Variants in PCSK6 observed in about 807,000 individuals in gnomAD.
The protein encoded by PCSK6 is proprotein convertase subtilisin/kexin type 6.
PCSK6 carries 85 observed loss-of-function variants against 123.3 expected under a neutral mutation model. The ratio of observed to expected loss-of-function variants is 0.69; its 90% CI spans 0.58 to 0.83. The LOEUF is 0.83. Among genes scored for constraint, PCSK6 ranks in the 40% least tolerant of loss-of-function variants. The pLI, the probability that PCSK6 is intolerant of heterozygous loss-of-function variation, is 0.00. For missense variants in PCSK6, 1,191 were observed against 1,282.3 expected (o/e 0.93, Z 1.09); for synonymous variants, 508 against 516.0 (o/e 0.98, Z 0.21).
intron 13 of PCSK6, among the ~76,000 whole-genome samples, chr15:101,365,394 A>G (rs575522957): frequency 4.6e-5 from 7 of 152,360 alleles, no homozygotes; most frequent in African/African-American, 1.2e-4. Context: ...ATTTTTTAAA[A>G]AGCAGAGAAT....
intron 13 of PCSK6, among the ~76,000 whole-genome samples, chr15:101,353,176 G>A (rs907143196): frequency 2.6e-5 from 4 of 152,122 alleles, no homozygotes; most frequent in Admixed American, 6.5e-5. Context: ...CTTTCCCTGC[G>A]ACTAGACGGT....
chr15:101,339,091 G>A (rs190143609), intron 13 of PCSK6, among the ~76,000 whole-genome samples: 1 of 152,326 alleles, frequency 6.6e-6, no homozygotes, highest in East Asian at 1.9e-4. Flanking sequence ...CCTATGCCTG[G>A]CATTTTGAGT....
chr15:101,406,747 C>T (rs760522727), intron 6 of PCSK6, among the ~76,000 whole-genome samples: 13 of 152,124 alleles, frequency 8.5e-5, no homozygotes, highest in South Asian at 2.1e-4. Context: ...GACCTACGTT[C>T]GCCATCGTGA....
intron 13 of PCSK6, among the ~76,000 whole-genome samples, chr15:101,363,058 T>G (rs117453273): frequency 2.0e-5 from 3 of 152,284 alleles, no homozygotes; most frequent in Non-Finnish European, 2.9e-5. Context: ...TCTGCCGGCT[T>G]TGCCATAAAG....
intron 13 of PCSK6, among the ~76,000 whole-genome samples, chr15:101,357,464 A>G (rs1342751123): frequency 6.6e-6 from 1 of 152,242 alleles, no homozygotes. Context: ...GCTAGAGGGC[A>G]ACCTAGGTCT....
Position 101,384,523 on chromosome 15 carries a change from A to C in PCSK6, c.1311-98T>G, listed in dbSNP as rs371367386. ...GGGGTCGGCAGCCAACCCACGTCTG[A>C]ACTTCAGCAAGCCCCTCAGGCTAAG... On this transcript the variant is annotated intron_variant, in intron 9 of 21. Transcript: ENST00000611716. 10 of 872,286 alleles carry C rather than the reference A, an allele frequency of 1.1e-5. No homozygotes were observed. In the East Asian group the frequency reaches 1.8e-4, roughly 16 times the overall value. 54.0% of individuals were successfully genotyped at this position (872,286 alleles called of 1,614,324 possible).
At chr15:101,309,732 G>A (rs150240116) in intron 20 of PCSK6, among the ~76,000 whole-genome samples, 158 of 152,338 alleles carry the variant, frequency 1.0e-3, no homozygotes, top group African/African-American at 3.7e-3. Context: ...GGCATGAGGA[G>A]TTTGCCTCCC....
chr15:101,379,498 A>G (rs1445537345), intron 11 of PCSK6, among the ~76,000 whole-genome samples: 1 of 152,194 alleles, frequency 6.6e-6, no homozygotes, highest in African/African-American at 2.4e-5. Context: ...GTGCACACGG[A>G]TGCACACGAG....
chr15:101,481,586 C>T (rs1380152225), intron 1 of PCSK6, among the ~76,000 whole-genome samples: 2 of 151,880 alleles, frequency 1.3e-5, no homozygotes, highest in Non-Finnish European at 2.9e-5. Context: ...GAGGCCACAG[C>T]CTGTGCTGGG....
chr15:101,433,297 T>C (rs2056502894), intron 2 of PCSK6, among the ~76,000 whole-genome samples: 1 of 152,234 alleles, frequency 6.6e-6, no homozygotes, highest in South Asian at 2.1e-4. Context: ...ACTCCTGCTC[T>C]TATCATCCCG....
intron 2 of PCSK6, among the ~76,000 whole-genome samples, chr15:101,438,158 G>A (rs140147135): frequency 6.2e-4 from 94 of 152,338 alleles, no homozygotes; most frequent in African/African-American, 2.2e-3. Flanking sequence ...CCCGCATCCT[G>A]TGGGACTTTG....
rs2277593 is a variant in PCSK6 at position 101,324,792 on chromosome 15, G to C, written c.2377+58C>G. The C allele has an allele frequency of 2.7e-3, 3,897 of 1,427,362 alleles. 79 individuals carry two copies. In the African/African-American group the frequency reaches 0.047, roughly 17 times the overall value. The allele number at this position is 1,427,362 out of a possible 1,614,324, so 88.4% of individuals were successfully genotyped here. On this transcript the variant is annotated intron_variant, in intron 17 of 21. Coordinates refer to ENST00000611716, the MANE Select transcript of PCSK6 (RefSeq NM_002570.5). ...GAAATTCTCCCTGGAGAGAGGACAC[G>C]GGCCCAGAAAGTTGGGGCTGGCTCA...
At chr15:101,389,307 T>C (rs2042157254) in intron 9 of PCSK6, among the ~76,000 whole-genome samples, 157 bp downstream of exon 9, 1 of 152,192 alleles carries the variant, frequency 6.6e-6, no homozygotes, top group Non-Finnish European at 1.5e-5. Context: ...AAGACGAAGC[T>C]CTGGGAGAGG....
chr15:101,486,059 G>C (rs1238893213), intron 1 of PCSK6, among the ~76,000 whole-genome samples: 2 of 150,478 alleles, frequency 1.3e-5, no homozygotes, highest in African/African-American at 4.9e-5. Context: ...CGCCTCCCAG[G>C]TTCAAGCTAT....
intron 4 of PCSK6, among the ~76,000 whole-genome samples, chr15:101,430,859 A>T (rs1307191147): frequency 2.0e-5 from 3 of 152,218 alleles, no homozygotes; most frequent in African/African-American, 7.2e-5. Flanking sequence ...TTCTCTTATG[A>T]ACCATTTTAC....
In PCSK6 at chr15:101,370,409, T is replaced by C; in HGVS notation, c.1647A>G (p.Ser549=). The change falls in exon 12 of 22, where the codon TCA becomes TCG. Residue 549 remains serine, a synonymous_variant. Transcript: ENST00000611716. ...LEHVVVRTSI[S]HPRRGDLQIY... Reference sequence around the variant, plus strand: ...TCTGGAGGTCTCCTCGGCGTGGGTGTGAGATGGAGGTGCGAACCACCACGT... The same window carrying C: ...TCTGGAGGTCTCCTCGGCGTGGGTGCGAGATGGAGGTGCGAACCACCACGT... 6.4e-7 allele frequency: 1 copy of C among 1,552,060 alleles called. No individual in the cohort carries two copies. Among genetic ancestry groups the C allele is most frequent in the Non-Finnish European group, 8.7e-7 (1 of 1,147,052 alleles).
chr15:101,436,980 C>T (rs2056619682), intron 2 of PCSK6, among the ~76,000 whole-genome samples: 1 of 152,206 alleles, frequency 6.6e-6, no homozygotes, highest in Non-Finnish European at 1.5e-5. Context: ...GCCCTGGATC[C>T]CACAGTCCCT....
chr15:101,489,304 G>A, intron 1 of PCSK6, 70 bp downstream of exon 1: 1 of 979,226 alleles, frequency 1.0e-6, no homozygotes, highest in Non-Finnish European at 1.2e-6. Context: ...CAGGACTGCG[G>A]AGGCGCCCCC....
chr15:101,306,033 G>A (rs2141326198), intron 21 of PCSK6, among the ~76,000 whole-genome samples: 1 of 152,232 alleles, frequency 6.6e-6, no homozygotes, highest in Non-Finnish European at 1.5e-5. Flanking sequence ...TGCTGGCAGT[G>A]GAGCTTAGGA....
Sources: gnomAD v4.1 joint callset for allele counts (sites outside exome capture counted in the v4.1 genomes callset) on GRCh38, gnomAD v4.1.1 for gene constraint, MANE v1.5 for transcripts, NCBI Gene and HGNC (gene_info 2026-07-23, HGNC 2026-07-21) for gene names.